SOCS5: variants seen among roughly 807,000 people sequenced by gnomAD.
SOCS5 encodes the protein CIS-6.
Under a neutral mutation model 42.8 loss-of-function variants are expected in SOCS5, and 32 were observed. The ratio of observed to expected loss-of-function variants is 0.75; its 90% CI spans 0.56 to 1.01. The LOEUF (loss-of-function observed/expected upper bound fraction) is 1.01, where lower values mean the gene tolerates loss of function less well. SOCS5 is among the 50% of genes least tolerant of loss of function. SOCS5 has a pLI of 0.00. For synonymous variants in SOCS5, 283 were observed against 229.6 expected, an observed-to-expected ratio of 1.23 and a Z score of -2.10; for missense variants, 627 against 653.0, an observed-to-expected ratio of 0.96 and a Z score of 0.43.
chr2:46,732,492 G>A (rs7591613), intron 1 of SOCS5, among the ~76,000 whole-genome samples: 9,291 of 152,280 alleles, frequency 0.061, 308 homozygotes, highest in Middle Eastern at 0.12. Context: ...TTTGAACTTG[G>A]AAAGAAAAAG....
chr2:46,711,245 G>A (rs551394790), intron 1 of SOCS5, among the ~76,000 whole-genome samples: 4 of 152,288 alleles, frequency 2.6e-5, no homozygotes, highest in South Asian at 2.1e-4. Flanking sequence ...TAATTTCTGA[G>A]ATAGTTTTAC....
At chr2:46,729,269 G>A (rs983546496) in intron 1 of SOCS5, among the ~76,000 whole-genome samples, 28 of 152,302 alleles carry the variant, frequency 1.8e-4, no homozygotes, top group African/African-American at 6.3e-4. Context: ...GATAACAGTA[G>A]TTAAAATATA....
rs766198402 is a variant in SOCS5 at position 46,759,982 on chromosome 2, G to T, written c.1452G>T (p.Leu484=). The change falls in exon 2 of 2, where the codon CTG becomes CTT. Residue 484 remains leucine, a synonymous_variant. Transcript: ENST00000394861. ...ISLNRTFPFS[L]QYICRAVICR... ...TAAATAGGACTTTCCCTTTTAGCCT[G>T]CAGTATATCTGTCGCGCGGTAATCT... is the stretch of plus-strand genomic sequence containing the variant. 1.2e-5 allele frequency: 19 copies of T among 1,614,100 alleles called. No homozygotes were observed. The Middle Eastern group carries it at 4.9e-4, about 42-fold the overall frequency.
At chr2:46,732,853 T>C (rs1473499439) in intron 1 of SOCS5, among the ~76,000 whole-genome samples, 1 of 152,196 alleles carries the variant, frequency 6.6e-6, no homozygotes, top group Non-Finnish European at 1.5e-5. Flanking sequence ...CATCTCTTGA[T>C]ATTAAGGGCC....
Position 46,758,560 on chromosome 2 carries a change from C to T in SOCS5, c.30C>T (p.Asn10=), listed in dbSNP as rs753443028. 6 of 1,600,886 alleles carry T rather than the reference C, an allele frequency of 3.7e-6. No individual in the cohort carries two copies. The highest frequency in any genetic ancestry group is 1.1e-5 in the South Asian group (1 of 88,038). ...ATAAAGTGGGAAAAATGTGGAATAA[C>T]TTCAAATACAGGTGTCAGAATCTCT... is the stretch of plus-strand genomic sequence containing the variant. The part of the protein sequence containing the change: MDKVGKMWN[N]FKYRCQNLFG... Residue 10 remains asparagine, a synonymous_variant, in exon 2 of 2, where the codon AAC becomes AAT. Coordinates refer to ENST00000394861, the MANE Select transcript of SOCS5 (RefSeq NM_144949.3).
intron 1 of SOCS5, among the ~76,000 whole-genome samples, chr2:46,728,051 G>A (rs1418062489): frequency 6.6e-6 from 1 of 152,140 alleles, no homozygotes; most frequent in Non-Finnish European, 1.5e-5. Context: ...GCGCCTAACT[G>A]TTAACTGCCA....
chr2:46,734,594 ATCTTT>A (rs1221824113), intron 1 of SOCS5, among the ~76,000 whole-genome samples: 2 of 152,142 alleles, frequency 1.3e-5, no homozygotes, highest in African/African-American at 4.8e-5. Flanking sequence ...CAGAATCATA[ATCTTT>A]TCTTCATGTC....
At chr2:46,733,957 T>G (rs1284916266) in intron 1 of SOCS5, among the ~76,000 whole-genome samples, 3 of 152,254 alleles carry the variant, frequency 2.0e-5, no homozygotes, top group African/African-American at 7.2e-5. Flanking sequence ...ATGTAATCAG[T>G]ATGCAGTAAC....
At chr2:46,736,548 G>C (rs1218167977) in intron 1 of SOCS5, among the ~76,000 whole-genome samples, 1 of 152,100 alleles carries the variant, frequency 6.6e-6, no homozygotes, top group Non-Finnish European at 1.5e-5. Context: ...TATTACTCTA[G>C]GAACCTCATG....
Position 46,761,566 on chromosome 2 carries a change from A to G in SOCS5, c.*1425A>G, listed in dbSNP as rs1206390743. 1 of 166,972 alleles carries G rather than the reference A, an allele frequency of 6.0e-6. No individual in the cohort carries two copies. The highest frequency in any genetic ancestry group is 1.9e-4 in the East Asian group (1 of 5,206). 10.3% of individuals were successfully genotyped at this position (166,972 alleles called of 1,614,324 possible). On this transcript the variant is annotated 3_prime_UTR_variant, in exon 2 of 2. Transcript: ENST00000394861. ...ATGTTTCTGCTTGCTGTGCCTTGTT[A>G]TGGCTGCTTTTTTTGTGCTAATAAA... is the stretch of plus-strand genomic sequence containing the variant.
Position 46,716,941 on chromosome 2 carries a change from A to G in SOCS5, c.-13+17492A>G, listed in dbSNP as rs560745070. On this transcript the variant is annotated intron_variant, in intron 1 of 1. Transcript: ENST00000394861. Reference sequence around the variant, plus strand: ...TGTGTCTCCTTTAATTTCCCCATGTATTCATCAAGGTTTATTCATCCCAGC... The same window carrying G: ...TGTGTCTCCTTTAATTTCCCCATGTGTTCATCAAGGTTTATTCATCCCAGC... Among the ~76,000 whole-genome samples the G allele has an allele frequency of 3.9e-5, 6 of 152,138 alleles. No homozygotes were observed. In the East Asian group the frequency reaches 1.2e-3, roughly 29 times the overall value.
chr2:46,751,056 C>T (rs959647471), intron 1 of SOCS5, among the ~76,000 whole-genome samples: 2 of 151,924 alleles, frequency 1.3e-5, no homozygotes, highest in African/African-American at 4.8e-5. Flanking sequence ...GCTGAATAGA[C>T]CAAATAATAA....
intron 1 of SOCS5, among the ~76,000 whole-genome samples, chr2:46,747,408 G>T (rs1331006405): frequency 6.6e-6 from 1 of 151,902 alleles, no homozygotes; most frequent in African/African-American, 2.4e-5. Flanking sequence ...TAGAGGCAGG[G>T]TTTTGCCTTG....
intron 1 of SOCS5, among the ~76,000 whole-genome samples, chr2:46,711,281 A>T (rs970619063): frequency 6.6e-6 from 1 of 152,190 alleles, no homozygotes; most frequent in African/African-American, 2.4e-5. Context: ...CTAGCAATCT[A>T]TGAGAGTTCT....
intron 1 of SOCS5, among the ~76,000 whole-genome samples, chr2:46,725,722 TCTTC>T (rs977574626): frequency 2.6e-5 from 4 of 152,336 alleles, no homozygotes; most frequent in African/African-American, 9.6e-5. Flanking sequence ...ATTTCTTTGT[TCTTC>T]CTTAATTATA....
chr2:46,700,387 T>A (rs1672313814), intron 1 of SOCS5, among the ~76,000 whole-genome samples: 1 of 152,238 alleles, frequency 6.6e-6, no homozygotes, highest in South Asian at 2.1e-4. Context: ...ACCTTGAAAT[T>A]CTTGTAGCAA....
intron 1 of SOCS5, among the ~76,000 whole-genome samples, chr2:46,719,105 T>G (rs1489832475): frequency 1.3e-5 from 2 of 152,226 alleles, no homozygotes; most frequent in Admixed American, 1.3e-4. Flanking sequence ...TTTAAAATTT[T>G]TATTTAGTGT....
chr2:46,725,333 T>C (rs1373158007), intron 1 of SOCS5, among the ~76,000 whole-genome samples: 1 of 152,132 alleles, frequency 6.6e-6, no homozygotes, highest in East Asian at 1.9e-4. Flanking sequence ...TGTCTTTTAT[T>C]GGTATTTTTA....
At position 46,755,536 on chromosome 2, in the gene SOCS5, T is replaced by G. The variant is rs112905850; in HGVS notation, c.-12-2983T>G. Reference sequence around the variant, plus strand: ...AAAGCATTATAAAATCAGTTTTAAATTATTATTCCTTCGAGGAAAGAATAA... The same window carrying G: ...AAAGCATTATAAAATCAGTTTTAAAGTATTATTCCTTCGAGGAAAGAATAA... On this transcript the variant is annotated intron_variant, in intron 1 of 1. Coordinates refer to ENST00000394861, the MANE Select transcript of SOCS5 (RefSeq NM_144949.3). Among the ~76,000 whole-genome samples the G allele has an allele frequency of 3.1e-4, 47 of 152,340 alleles. 1 individual carries two copies. The highest frequency in any genetic ancestry group is 1.1e-3 in the African/African-American group (46 of 41,598).
Sources: allele counts gnomAD v4.1 joint callset (sites outside exome capture counted in the v4.1 genomes callset), GRCh38; gene constraint gnomAD v4.1.1; transcripts MANE v1.5; gene names NCBI Gene and HGNC (gene_info 2026-07-23, HGNC 2026-07-21).